PTAFR: variants seen among roughly 807,000 people sequenced by gnomAD.
PTAFR encodes the protein platelet activating factor receptor.
Under a neutral mutation model 14.7 loss-of-function variants are expected in PTAFR, and 8 were observed. The observed-to-expected ratio is 0.54, with a 90% CI of 0.32 to 0.98. The LOEUF (loss-of-function observed/expected upper bound fraction) is 0.98. PTAFR is among the 50% of genes least tolerant of loss of function. The pLI, the probability that PTAFR is intolerant of heterozygous loss-of-function variation, is 0.04. For missense variants in PTAFR, 337 were observed against 451.2 expected, an observed-to-expected ratio of 0.75 and a Z score of 2.29; for synonymous variants, 156 against 176.5, an observed-to-expected ratio of 0.88 and a Z score of 0.92.
chr1:28,153,592 A>G (rs1047855856), intron 1 of PTAFR, among the ~76,000 whole-genome samples: 66 of 150,858 alleles, frequency 4.4e-4, no homozygotes, highest in African/African-American at 1.5e-3. Context: ...AAAAAAAAAA[A>G]AAAAAAAAAA....
At chr1:28,171,256 G>GA (rs2149001562) in intron 1 of PTAFR, among the ~76,000 whole-genome samples, 1 of 151,080 alleles carries the variant, frequency 6.6e-6, no homozygotes, top group East Asian at 1.9e-4. Flanking sequence ...CCGGGAGGGG[G>GA]AAGTTTCAGT....
At chr1:28,162,208 C>T (rs748123868) in intron 1 of PTAFR, among the ~76,000 whole-genome samples, 4 of 152,140 alleles carry the variant, frequency 2.6e-5, no homozygotes, top group Non-Finnish European at 5.9e-5. Flanking sequence ...AGGGAGCAAG[C>T]GTGGAAACAG....
chr1:28,179,162 C>A (rs1646542685), upstream of PTAFR, among the ~76,000 whole-genome samples: 2 of 152,146 alleles, frequency 1.3e-5, no homozygotes, highest in Admixed American at 1.3e-4. Flanking sequence ...ACTCTGCTCC[C>A]CAGCCCAGAT....
chr1:28,176,217 C>A (rs1288320998), intron 1 of PTAFR, among the ~76,000 whole-genome samples: 1 of 152,090 alleles, frequency 6.6e-6, no homozygotes, highest in Non-Finnish European at 1.5e-5. Flanking sequence ...CCGAGGCAGG[C>A]TGATTGCTTG....
At chr1:28,165,366 T>C (rs931861769) in intron 1 of PTAFR, among the ~76,000 whole-genome samples, 16 of 119,088 alleles carry the variant, frequency 1.3e-4, no homozygotes, top group African/African-American at 4.8e-4. Context: ...ATCATGCCAC[T>C]GCACTCCAGC....
intron 1 of PTAFR, among the ~76,000 whole-genome samples, chr1:28,160,582 A>G (rs1186431026): frequency 6.9e-6 from 1 of 144,580 alleles, no homozygotes; most frequent in Non-Finnish European, 1.5e-5. Context: ...CACACACGAG[A>G]ATAAAATATT....
intron 1 of PTAFR, among the ~76,000 whole-genome samples, chr1:28,171,722 C>T (rs1428557552): frequency 2.0e-5 from 3 of 152,042 alleles, no homozygotes; most frequent in African/African-American, 7.2e-5. Context: ...GATCTGGGTA[C>T]CAGTCAGAGT....
chr1:28,163,392 G>A (rs960125723), intron 1 of PTAFR, among the ~76,000 whole-genome samples: 21 of 152,188 alleles, frequency 1.4e-4, no homozygotes, highest in Non-Finnish European at 2.6e-4. Flanking sequence ...GTCGGGCACC[G>A]AGGAATGAAT....
At chr1:28,172,389 G>A (rs910037810) in intron 1 of PTAFR, among the ~76,000 whole-genome samples, 4 of 152,124 alleles carry the variant, frequency 2.6e-5, no homozygotes, top group Non-Finnish European at 5.9e-5. Context: ...TGGTGTCCTC[G>A]TGGCCAGTCC....
rs931426183 is a variant in PTAFR at position 28,150,084 on chromosome 1, C to T, written c.938G>A (p.Ser313Asn). ...GGTGGCCCGGGAGCATTTCCGGCTA[C>T]TGCGCATGCTGTAGAACTTTTCGGT... is the stretch of plus-strand genomic sequence containing the variant. ...HLTEKFYSMR[S>N]SRKCSRATTD... The change falls in exon 2 of 2, where the codon AGT (serine) becomes AAT (asparagine). Residue 313 changes from serine (S) to asparagine (N), a missense_variant. By Grantham distance (46) the Ser-to-Asn change is conservative (BLOSUM62 1). Transcript: ENST00000373857. The surrounding 1 kb of genome is among the most constrained non-coding windows in gnomAD (Gnocchi z 6.3). 7 of 1,614,210 alleles carry T rather than the reference C, an allele frequency of 4.3e-6. No individual in the cohort carries two copies. The East Asian group carries it at 1.1e-4, about 26-fold the overall frequency.
Position 28,150,999 on chromosome 1 carries a change from T to C in PTAFR, c.23A>G (p.His8Arg), listed in dbSNP as rs749373881. The C allele has an allele frequency of 3.1e-6, 5 of 1,598,138 alleles. No homozygotes were observed. In the African/African-American group the frequency reaches 6.7e-5, roughly 21 times the overall value. The change falls in exon 2 of 2, where the codon CAC (histidine) becomes CGC (arginine). Residue 8 changes from histidine (H) to arginine (R), a missense_variant. Coordinates refer to ENST00000373857, the MANE Select transcript of PTAFR (RefSeq NM_000952.5). The surrounding 1 kb of genome is among the most constrained non-coding windows in gnomAD (Gnocchi z 6.3). ...AGTGTATCGGAACTCAGAGTCCATG[T>C]GGGAGGAGTCATGTGGCTCCATTGC... MEPHDSS[H>R]MDSEFRYTLF...
rs531629771 is a variant in PTAFR, at chr1:28,188,597, G to T, written c.-39+5125C>A. ...CTACTAAAAATACAAAAAATTAGCT[G>T]GGTGACAGGCCCCTATAATCCCAGC... On this transcript the variant is annotated intron_variant, in intron 1 of 1. Coordinates refer to the PTAFR transcript ENST00000305392. Among the ~76,000 whole-genome samples the T allele has an allele frequency of 3.3e-5, 5 of 152,104 alleles. No individual in the cohort carries two copies. In the South Asian group the frequency reaches 1.0e-3, roughly 32 times the overall value.
In PTAFR at chr1:28,150,047, G is replaced by T; in HGVS notation, c.975C>A (p.Val325=). 1.2e-6 allele frequency: 2 copies of T among 1,614,166 alleles called. No individual in the cohort carries two copies. The highest frequency in any genetic ancestry group is 2.2e-5 in the South Asian group (2 of 91,060). Residue 325 remains valine, a synonymous_variant, in exon 2 of 2, where the codon GTC becomes GTA. Transcript: ENST00000373857. The surrounding 1 kb of genome is among the most constrained non-coding windows in gnomAD (Gnocchi z 6.3). The stretch of plus-strand genomic sequence containing the variant: ...GGTTGAATGGCACAACCACTTCAGT[G>T]ACCGTATCCGTGGTGGCCCGGGAGC... ...RKCSRATTDT[V]TEVVVPFNQI...
At chr1:28,157,832 A>C (rs1646283082) in intron 1 of PTAFR, among the ~76,000 whole-genome samples, 1 of 150,802 alleles carries the variant, frequency 6.6e-6, no homozygotes, top group Admixed American at 6.6e-5. Context: ...GGGTTTCACC[A>C]TGTTAGCCAG....
intron 1 of PTAFR, among the ~76,000 whole-genome samples, chr1:28,158,349 G>C (rs1316612656): frequency 6.6e-6 from 1 of 152,126 alleles, no homozygotes; most frequent in Non-Finnish European, 1.5e-5. Context: ...CTAAAGGAAC[G>C]TGAGACATTT....
chr1:28,151,079 T>C lies in PTAFR; in HGVS notation c.-38-20A>G. The C allele has an allele frequency of 7.1e-7, 1 of 1,416,952 alleles. No individual in the cohort carries two copies. The highest frequency in any genetic ancestry group is 9.6e-7 in the Non-Finnish European group (1 of 1,044,296). The allele number at this position is 1,416,952 out of a possible 1,614,324, so 87.8% of individuals were successfully genotyped here. A position where few individuals can be genotyped will look rare whatever the true frequency, so the allele number is the denominator to read the frequency against. ...TGGTGCCTGGAAGACCACACAAAAATTCTGGTTAATAAAGGGACAAGAAGG... is the reference window on the plus strand; with the variant it reads ...TGGTGCCTGGAAGACCACACAAAAACTCTGGTTAATAAAGGGACAAGAAGG... On this transcript the variant is annotated intron_variant, in intron 1 of 1. Coordinates refer to ENST00000373857, the MANE Select transcript of PTAFR (RefSeq NM_000952.5).
intron 1 of PTAFR, among the ~76,000 whole-genome samples, chr1:28,155,492 G>A (rs1467118177): frequency 6.6e-6 from 1 of 152,148 alleles, no homozygotes; most frequent in Non-Finnish European, 1.5e-5. Context: ...ACAGGCGTGA[G>A]CCATCTCGCC....
chr1:28,151,425 A>C (rs2148992479), intron 1 of PTAFR, among the ~76,000 whole-genome samples: 1 of 151,990 alleles, frequency 6.6e-6, no homozygotes, highest in East Asian at 1.9e-4. Flanking sequence ...TGATCTGCCC[A>C]CCTCGGCCTC....
intron 1 of PTAFR, among the ~76,000 whole-genome samples, chr1:28,167,291 G>C (rs992774217): frequency 6.6e-6 from 1 of 152,014 alleles, no homozygotes; most frequent in Non-Finnish European, 1.5e-5. Flanking sequence ...TTAAAAAATG[G>C]GCAAAGAACC....
Sources: allele counts gnomAD v4.1 joint callset (sites outside exome capture counted in the v4.1 genomes callset), GRCh38; gene constraint gnomAD v4.1.1; non-coding constraint Gnocchi (gnomAD v3.1); transcripts MANE v1.5; gene names NCBI Gene and HGNC (gene_info 2026-07-23, HGNC 2026-07-21).